The following FAM184A variants were observed in gnomAD, a reference collection of about 807,000 sequenced individuals.
FAM184A encodes family with sequence similarity 184 member A.
A neutral mutation model predicts 143.8 loss-of-function variants in FAM184A; 99 were observed. That is an observed-to-expected ratio of 0.69 (90% CI 0.58 to 0.81). The LOEUF (loss-of-function observed/expected upper bound fraction) is 0.81, where lower values mean the gene tolerates loss of function less well. Ranked by LOEUF, FAM184A falls within the 40% of genes least tolerant of loss-of-function variation. The pLI is 0.00. For synonymous variants in FAM184A, 427 were observed against 446.4 expected (o/e 0.96, Z 0.55); for missense variants, 1,217 against 1,310.5 (o/e 0.93, Z 1.10).
rs1216390291 is a variant in FAM184A, at chr6:119,003,058, A to AAAC, written c.1938-12_1938-10dup. On this transcript the variant is annotated splice_polypyrimidine_tract_variant and intron_variant, in intron 8 of 17. Transcript: ENST00000338891. ...GTTTAGAACACTCTTGTCTAAAATAAAACAACTGCATTTACTTTGTAAAGA... is the reference window on the plus strand; with the variant it reads ...GTTTAGAACACTCTTGTCTAAAATAAAACAACAACTGCATTTACTTTGTAAAGA... 1 of 1,590,144 alleles carries AAAC rather than the reference A, an allele frequency of 6.3e-7. No individual in the cohort carries two copies. Among genetic ancestry groups the AAAC allele is most frequent in the Non-Finnish European group, 8.5e-7 (1 of 1,172,416 alleles).
intron 1 of FAM184A, among the ~76,000 whole-genome samples, chr6:119,107,536 C>T (rs770982892): frequency 9.2e-5 from 14 of 152,032 alleles, no homozygotes; most frequent in Admixed American, 5.9e-4. Context: ...CCAAGGTGGG[C>T]GGATCACCTG....
At chr6:119,056,959 T>C (rs79551047) in intron 1 of FAM184A, among the ~76,000 whole-genome samples, 2,488 of 152,342 alleles carry the variant, frequency 0.016, 28 homozygotes, top group South Asian at 0.028. Context: ...TTGAGAAATT[T>C]ATTCCACAGT....
chr6:118,960,637 A>T, intron 17 of FAM184A: 1 of 367,336 alleles, frequency 2.7e-6, no homozygotes, highest in Non-Finnish European at 5.2e-6. Context: ...ATAATTCCCT[A>T]TGCAAATACT....
chr6:119,072,568 A>C (rs1787729502), intron 1 of FAM184A, among the ~76,000 whole-genome samples: 1 of 152,232 alleles, frequency 6.6e-6, no homozygotes, highest in Non-Finnish European at 1.5e-5. Flanking sequence ...TTATTTGAAA[A>C]ATTCACTGGT....
At chr6:119,057,612 C>A (rs1787036185) in intron 1 of FAM184A, among the ~76,000 whole-genome samples, 1 of 152,042 alleles carries the variant, frequency 6.6e-6, no homozygotes, top group South Asian at 2.1e-4. Context: ...TGTGGTGGTG[C>A]ACACCTGTAG....
At chr6:119,146,555 C>A (rs1260278696) in intron 1 of FAM184A, among the ~76,000 whole-genome samples, 2 of 151,940 alleles carry the variant, frequency 1.3e-5, no homozygotes, top group East Asian at 3.9e-4. Flanking sequence ...CTCAGCCTTC[C>A]AAGTAGCAAG....
chr6:119,019,219 ATG>A (rs1332627110), intron 4 of FAM184A, among the ~76,000 whole-genome samples: 1 of 152,210 alleles, frequency 6.6e-6, no homozygotes, highest in Non-Finnish European at 1.5e-5. Context: ...TACGAGAAAA[ATG>A]TGAAAGAATG....
chr6:118,998,012 C>T (rs1349633088), intron 9 of FAM184A, among the ~76,000 whole-genome samples: 1 of 152,060 alleles, frequency 6.6e-6, no homozygotes, highest in Non-Finnish European at 1.5e-5. Context: ...TAGTCATTGC[C>T]CTTTCCTACT....
Position 118,961,726 on chromosome 6 carries a change from A to G in FAM184A, c.3341+35T>C, listed in dbSNP as rs979129024. The G allele has an allele frequency of 5.8e-6, 9 of 1,557,424 alleles. No homozygotes were observed. In the African/African-American group the frequency reaches 1.1e-4, roughly 19 times the overall value. ...GAAGGTAAATTTCTCAAGTTAAAAA[A>G]GAAAAGAAAAAAACATTGGTGAGAC... On this transcript the variant is annotated intron_variant, in intron 17 of 17. Transcript: ENST00000338891.
chr6:119,086,181 G>A (rs1398618218), intron 1 of FAM184A, among the ~76,000 whole-genome samples: 1 of 152,210 alleles, frequency 6.6e-6, no homozygotes, highest in Non-Finnish European at 1.5e-5. Context: ...AGTTAGGCAA[G>A]AAATCTATAC....
chr6:119,009,898 A>G (rs896708556), intron 6 of FAM184A, among the ~76,000 whole-genome samples: 5 of 152,196 alleles, frequency 3.3e-5, no homozygotes, highest in African/African-American at 1.2e-4. Flanking sequence ...AAAACTTCGT[A>G]TATACTTACT....
intron 1 of FAM184A, among the ~76,000 whole-genome samples, chr6:119,098,149 G>C (rs899426152): frequency 6.6e-5 from 10 of 152,188 alleles, no homozygotes; most frequent in African/African-American, 2.4e-4. Context: ...ACTCGTGGTA[G>C]TGAGTAAGTC....
intron 1 of FAM184A, among the ~76,000 whole-genome samples, chr6:119,112,731 T>G (rs1043499278): frequency 2.0e-5 from 3 of 152,216 alleles, no homozygotes; most frequent in Non-Finnish European, 2.9e-5. Context: ...CAATCCTGTC[T>G]CATAGCTTGA....
At chr6:119,108,341 A>G in intron 1 of FAM184A, among the ~76,000 whole-genome samples, 1 of 152,136 alleles carries the variant, frequency 6.6e-6, no homozygotes, top group East Asian at 1.9e-4. Context: ...ACCATCACCA[A>G]GAACTCGAGT....
intron 1 of FAM184A, among the ~76,000 whole-genome samples, chr6:119,121,469 C>T (rs1312881077): frequency 2.6e-5 from 4 of 152,100 alleles, no homozygotes; most frequent in Non-Finnish European, 4.4e-5. Context: ...AAATTAAATC[C>T]ATAAGCAGTA....
intron 1 of FAM184A, among the ~76,000 whole-genome samples, chr6:119,034,874 A>C (rs1196337160): frequency 1.3e-5 from 2 of 152,292 alleles, no homozygotes; most frequent in African/African-American, 4.8e-5. Flanking sequence ...TGTCCGACTC[A>C]GTATTAAGAG....
intron 1 of FAM184A, among the ~76,000 whole-genome samples, chr6:119,089,440 A>C (rs1788314964): frequency 6.6e-6 from 1 of 151,728 alleles, no homozygotes; most frequent in African/African-American, 2.4e-5. Context: ...GATCTGCCTG[A>C]CTTGGCCTCC....
chr6:119,057,774 A>G (rs1787045919), intron 1 of FAM184A: 1 of 151,932 alleles, frequency 6.6e-6, no homozygotes, highest in South Asian at 2.1e-4. Flanking sequence ...ATTTAAAATA[A>G]GAGAAAATGG....
intron 2 of FAM184A, among the ~76,000 whole-genome samples, chr6:119,023,562 C>CCG (rs201801297): frequency 5.1e-5 from 6 of 118,276 alleles, no homozygotes; most frequent in African/African-American, 1.7e-4. Context: ...TCCGCCCCCC[C>CCG]CCCCAGGAAC....
Sources: allele counts gnomAD v4.1 joint callset (sites outside exome capture counted in the v4.1 genomes callset), GRCh38; gene constraint gnomAD v4.1.1; transcripts MANE v1.5; gene names NCBI Gene and HGNC (gene_info 2026-07-23, HGNC 2026-07-21).